Variants in KIAA1549L observed in about 807,000 individuals in gnomAD.
The protein encoded by KIAA1549L is KIAA1549 like.
A neutral mutation model predicts 160.7 loss-of-function variants in KIAA1549L; 88 were observed. That is an observed-to-expected ratio of 0.55 (90% CI 0.46 to 0.65). The LOEUF is 0.65. Ranked by LOEUF, KIAA1549L falls within the 30% of genes least tolerant of loss-of-function variation. The pLI, the probability that KIAA1549L is intolerant of heterozygous loss-of-function variation, is 0.00. For missense variants in KIAA1549L, 2,258 were observed against 2,437.5 expected, an observed-to-expected ratio of 0.93 and a Z score of 1.55; for synonymous variants, 950 against 976.7, an observed-to-expected ratio of 0.97 and a Z score of 0.51.
At chr11:33,399,694 CTGA>C (rs1850459288) in intron 1 of KIAA1549L, among the ~76,000 whole-genome samples, 1 of 152,214 alleles carries the variant, frequency 6.6e-6, no homozygotes, top group Non-Finnish European at 1.5e-5. Context: ...TGCACGCTGA[CTGA>C]TGATCTCTTC....
intron 1 of KIAA1549L, among the ~76,000 whole-genome samples, chr11:33,474,358 A>G (rs1441954898): frequency 2.0e-5 from 3 of 152,222 alleles, no homozygotes; most frequent in African/African-American, 7.2e-5. Context: ...TGCAGCATTG[A>G]TCACATTCAG....
intron 16 of KIAA1549L, among the ~76,000 whole-genome samples, chr11:33,625,093 AT>A (rs1392806676): frequency 4.0e-5 from 6 of 151,776 alleles, no homozygotes; most frequent in Non-Finnish European, 8.8e-5. Context: ...TGAACTCATC[AT>A]TTTTTATGGC....
chr11:33,408,163 A>G (rs1414392675), intron 1 of KIAA1549L, among the ~76,000 whole-genome samples: 1 of 152,146 alleles, frequency 6.6e-6, no homozygotes, highest in Admixed American at 6.5e-5. Context: ...TACAAAACAG[A>G]AAGATTGGAA....
At chr11:33,529,495 T>C (rs1853690022) in intron 1 of KIAA1549L, among the ~76,000 whole-genome samples, 1 of 152,218 alleles carries the variant, frequency 6.6e-6, no homozygotes, top group South Asian at 2.1e-4. Flanking sequence ...GATGAATGCC[T>C]TTAAGCCTCA....
chr11:33,663,648 A>G (rs1852340165), intron 20 of KIAA1549L, among the ~76,000 whole-genome samples: 1 of 152,168 alleles, frequency 6.6e-6, no homozygotes, highest in Non-Finnish European at 1.5e-5. Flanking sequence ...GGGAAAGGGA[A>G]TGTGGTAGCT....
chr11:33,596,382 G>A (rs1295561634), intron 12 of KIAA1549L, among the ~76,000 whole-genome samples: 1 of 152,186 alleles, frequency 6.6e-6, no homozygotes, highest in Non-Finnish European at 1.5e-5. Context: ...TCCTTGGAGT[G>A]AGAGGAGCAG....
intron 16 of KIAA1549L, among the ~76,000 whole-genome samples, chr11:33,632,851 CT>C (rs1399423587): frequency 6.6e-6 from 1 of 152,120 alleles, no homozygotes; most frequent in Non-Finnish European, 1.5e-5. Context: ...CCACCTCAGC[CT>C]CCCAGAGTGC....
rs1029228687 is a variant in KIAA1549L at position 33,670,262 on chromosome 11, A to G, written c.*2108A>G. The G allele has an allele frequency of 6.6e-6, 1 of 152,242 alleles. No individual in the cohort carries two copies. Among genetic ancestry groups the G allele is most frequent in the Non-Finnish European group, 1.5e-5 (1 of 68,038 alleles). 9.4% of individuals were successfully genotyped at this position (152,242 alleles called of 1,614,324 possible). Reference sequence around the variant, plus strand: ...CCTGGAAATACTGTATGTGAAAATGATGTTTCAAGATCTTACTGTAATTGA... The same window carrying G: ...CCTGGAAATACTGTATGTGAAAATGGTGTTTCAAGATCTTACTGTAATTGA... On this transcript the variant is annotated 3_prime_UTR_variant, in exon 21 of 21. Coordinates refer to ENST00000658780, the MANE Select transcript of KIAA1549L (RefSeq NM_012194.3).
At chr11:33,494,561 A>G (rs1852771268) in intron 1 of KIAA1549L, among the ~76,000 whole-genome samples, 3 of 152,208 alleles carry the variant, frequency 2.0e-5, no homozygotes, top group South Asian at 2.1e-4. Context: ...ATCCTCTTCA[A>G]AGAAGGTTGG....
chr11:33,411,884 A>G (rs1203880935), intron 1 of KIAA1549L, among the ~76,000 whole-genome samples: 1 of 152,026 alleles, frequency 6.6e-6, no homozygotes, highest in Non-Finnish European at 1.5e-5. Context: ...CACACAGGAC[A>G]TCCTCCATGT....
intron 1 of KIAA1549L, among the ~76,000 whole-genome samples, chr11:33,445,319 C>G (rs76576649): frequency 0.011 from 1,621 of 152,306 alleles, 7 homozygotes; most frequent in South Asian, 0.04. Context: ...AGTTGGATAA[C>G]AGCAGTTGTT....
chr11:33,384,210 G>A (rs535147689), intron 1 of KIAA1549L, among the ~76,000 whole-genome samples: 12 of 152,306 alleles, frequency 7.9e-5, no homozygotes, highest in Admixed American at 2.6e-4. Flanking sequence ...CCAGAAGGTC[G>A]TAGAAATGGA....
At chr11:33,610,845 C>T (rs1350972328) in intron 15 of KIAA1549L, among the ~76,000 whole-genome samples, 1 of 152,168 alleles carries the variant, frequency 6.6e-6, no homozygotes, top group African/African-American at 2.4e-5. Context: ...CTGGGAAGTC[C>T]AAGATCAAGG....
At chr11:33,564,151 G>A (rs772898665) in intron 8 of KIAA1549L, among the ~76,000 whole-genome samples, 16 of 152,166 alleles carry the variant, frequency 1.1e-4, no homozygotes, top group Non-Finnish European at 1.8e-4. Flanking sequence ...CCAGGTCTTA[G>A]GATGATCATC....
Sources: gnomAD v4.1 joint callset for allele counts (sites outside exome capture counted in the v4.1 genomes callset) on GRCh38, gnomAD v4.1.1 for gene constraint, MANE v1.5 for transcripts, NCBI Gene and HGNC (gene_info 2026-07-23, HGNC 2026-07-21) for gene names.